AHNAK2: variants seen among roughly 807,000 people sequenced by gnomAD.
AHNAK2 encodes the protein AHNAK nucleoprotein 2.
AHNAK2 carries 18 observed loss-of-function variants against 30.7 expected under a neutral mutation model. That is an observed-to-expected ratio of 0.59 (90% confidence interval 0.41 to 0.87). The LOEUF is 0.87. AHNAK2 is among the 40% of genes least tolerant of loss of function. The pLI is 0.00. For synonymous variants in AHNAK2, 3,590 were observed against 3,073.8 expected (o/e 1.17, Z -5.56); for missense variants, 8,604 against 7,373.0 (o/e 1.17, Z -6.11).
At chr14:104,964,941 C>T (rs377535842) in intron 1 of AHNAK2, among the ~76,000 whole-genome samples, 5 of 152,204 alleles carry the variant, frequency 3.3e-5, no homozygotes, top group African/African-American at 9.7e-5. Context: ...TCCTAGAAAA[C>T]CCACAAGAAG....
intron 1 of AHNAK2, among the ~76,000 whole-genome samples, chr14:104,959,160 T>G (rs534497416): frequency 6.6e-6 from 1 of 152,136 alleles, no homozygotes; most frequent in African/African-American, 2.4e-5. Flanking sequence ...TATAGTAAGA[T>G]CTCATCTCTA....
rs937270094 is a variant in AHNAK2 at position 104,953,652 on chromosome 14, G to C, written c.1799C>G (p.Thr600Arg). The change falls in exon 7 of 7, where the codon ACA becomes AGA. Residue 600 changes from threonine to arginine, a missense_variant. Transcript: ENST00000333244. ...LGWSPSKHTK[T>R]GREKATEDTE... Reference sequence around the variant, plus strand: ...GTCTTCTGTGGCTTTTTCTCTGCCTGTCTTTGTGTGCTTGCTTGGCGACCA... The same window carrying C: ...GTCTTCTGTGGCTTTTTCTCTGCCTCTCTTTGTGTGCTTGCTTGGCGACCA... 1.9e-6 allele frequency: 3 copies of C among 1,613,666 alleles called. No homozygotes were observed. Among genetic ancestry groups the C allele is most frequent in the African/African-American group, 1.3e-5 (1 of 74,852 alleles).
chr14:104,938,672 A>C lies in AHNAK2; in HGVS notation c.16779T>G (p.Val5593=). The C allele has an allele frequency of 6.2e-7, 1 of 1,612,630 alleles. No homozygotes were observed. The highest frequency in any genetic ancestry group is 8.5e-7 in the Non-Finnish European group (1 of 1,179,316). Residue 5593 remains valine (V), a synonymous_variant, in exon 7 of 7, where the codon GTT becomes GTG. Coordinates refer to ENST00000333244, the MANE Select transcript of AHNAK2 (RefSeq NM_138420.4). ...VLGQQTLTFE[V]PSGHQLADSC... ...TGTCTGCAAGCTGGTGGCCAGAAGG[A>C]ACTTCAAATGTGAGTGTTTGCTGTC...
Position 104,938,780 on chromosome 14 carries a change from TG to T in AHNAK2, c.16670del (p.Pro5557GlnfsTer3). On this transcript the variant is annotated frameshift_variant, in exon 7 of 7. Coordinates refer to ENST00000333244, the MANE Select transcript of AHNAK2 (RefSeq NM_138420.4). LOFTEE classifies it low-confidence loss of function (END_TRUNC). ...GATCTCCAGAAATGGAGTCTACTCCTGGGGTGGCTTGTATGGGAGCCTCTTC... is the reference window on the plus strand; with the variant it reads ...GATCTCCAGAAATGGAGTCTACTCCTGGGTGGCTTGTATGGGAGCCTCTTC... ...GTEEAPIQAT[P>X]GVDSISGDLQ... 1 of 1,613,956 alleles carries T rather than the reference TG, an allele frequency of 6.2e-7. No homozygotes were observed. Among genetic ancestry groups the T allele is most frequent in the Non-Finnish European group, 8.5e-7 (1 of 1,179,886 alleles).
At chr14:104,971,068 C>T (rs1323038079) in intron 1 of AHNAK2, among the ~76,000 whole-genome samples, 1 of 152,156 alleles carries the variant, frequency 6.6e-6, no homozygotes, top group East Asian at 1.9e-4. Context: ...ACAGCGGCCA[C>T]CACACCTCGA....
In AHNAK2 at chr14:104,949,056, C is replaced by G. The variant is rs1898492010; in HGVS notation, c.6395G>C (p.Ser2132Thr). ...GGTCAGGTCCCCCTGCAGATGCGCA[C>G]TATCCAGCTTGGCTCTTGGGGCCTG... ...DVQAPRAKLD[S>T]AHLQGDLTLA... The change falls in exon 7 of 7, where the codon AGT becomes ACT. Residue 2132 changes from serine (S) to threonine (T), a missense_variant. By Grantham distance (58) the Ser-to-Thr change is moderately conservative (BLOSUM62 1). Transcript: ENST00000333244. 9.4e-7 allele frequency: 1 copy of G among 1,068,144 alleles called. No homozygotes were observed. Among genetic ancestry groups the G allele is most frequent in the African/African-American group, 1.4e-5 (1 of 70,504 alleles). The allele number at this position is 1,068,144 out of a possible 1,614,324, so 66.2% of individuals were successfully genotyped here.
chr14:104,972,409 C>T (rs890218728), intron 1 of AHNAK2, among the ~76,000 whole-genome samples: 3 of 152,124 alleles, frequency 2.0e-5, no homozygotes, highest in Admixed American at 6.5e-5. Flanking sequence ...GCTGAGTCAG[C>T]GCCGTACCCA....
At chr14:104,964,451 T>C (rs1263919625) in intron 1 of AHNAK2, among the ~76,000 whole-genome samples, 1 of 151,952 alleles carries the variant, frequency 6.6e-6, no homozygotes, top group Non-Finnish European at 1.5e-5. Flanking sequence ...GCCCAGCAAC[T>C]CATAGCCAGG....
chr14:104,948,182 G>T lies in AHNAK2; in HGVS notation c.7269C>A (p.Val2423=), dbSNP rs747283453. The part of the protein sequence containing the change: ...KVDLKGPQID[V]KGPKLDLKGP... ...CTTTCAGGTCCAGCTTGGGGCCCTT[G>T]ACATCTATCTGGGGGCCCTTGAGAT... Residue 2423 remains valine, a synonymous_variant, in exon 7 of 7, where the codon GTC becomes GTA. Coordinates refer to ENST00000333244, the MANE Select transcript of AHNAK2 (RefSeq NM_138420.4). 2.1e-5 allele frequency: 34 copies of T among 1,612,358 alleles called. No homozygotes were observed. Among genetic ancestry groups the T allele is most frequent in the Non-Finnish European group, 8.5e-7 (1 of 1,179,528 alleles).
chr14:104,946,767 T>C lies in AHNAK2; in HGVS notation c.8684A>G (p.His2895Arg), dbSNP rs779961366. 1 of 1,612,764 alleles carries C rather than the reference T, an allele frequency of 6.2e-7. No individual in the cohort carries two copies. Among genetic ancestry groups the C allele is most frequent in the Admixed American group, 1.7e-5 (1 of 59,932 alleles). Residue 2895 changes from histidine (H) to arginine (R), a missense_variant, in exon 7 of 7, where the codon CAC (histidine) becomes CGC (arginine). His to Arg is a conservative substitution (Grantham distance 29). Transcript: ENST00000333244. ...ACTGGGCATCTGCACCTTGGGCAGGTGCCCTTTGAGGCCGGCTCCCTCGGG... is the reference window on the plus strand; with the variant it reads ...ACTGGGCATCTGCACCTTGGGCAGGCGCCCTTTGAGGCCGGCTCCCTCGGG... ...HVPEGAGLKG[H>R]LPKVQMPSFK...
rs1410528874 is a variant in AHNAK2 at position 104,944,286 on chromosome 14, G to T, written c.11165C>A (p.Pro3722His). The T allele has an allele frequency of 3.1e-6, 5 of 1,612,792 alleles. No homozygotes were observed. The highest frequency in any genetic ancestry group is 2.7e-5 in the African/African-American group (2 of 74,696). The change falls in exon 7 of 7, where the codon CCC becomes CAC. Residue 3722 changes from proline (P) to histidine (H), a missense_variant. By Grantham distance (77) the Pro-to-His change is moderately conservative. Coordinates refer to ENST00000333244, the MANE Select transcript of AHNAK2 (RefSeq NM_138420.4). ...PEGAGLKEHL[P>H]KVEMPSLKMP... ...CTTCAAACTGGGCATCTCCACCTTG[G>T]GCAGGTGCTCTTTGAGGCCGGCTCC...
chr14:104,951,427 CAGA>C lies in AHNAK2; in HGVS notation c.4021_4023del (p.Ser1341del). 8.1e-7 allele frequency: 1 copy of C among 1,233,880 alleles called. No homozygotes were observed. The highest frequency in any genetic ancestry group is 1.4e-5 in the South Asian group (1 of 69,660). 76.4% of individuals were successfully genotyped at this position (1,233,880 alleles called of 1,614,324 possible). On this transcript the variant is annotated inframe_deletion, in exon 7 of 7. Coordinates refer to ENST00000333244, the MANE Select transcript of AHNAK2 (RefSeq NM_138420.4). The stretch of plus-strand genomic sequence containing the variant: ...GAGGCCTCAATGGACTTGCCTGGGG[CAGA>C]CACCCCGAACGACGGCATCTTGAAC...
Position 104,939,036 on chromosome 14 carries a change from A to T in AHNAK2, c.16415T>A (p.Val5472Asp). 1 of 1,608,402 alleles carries T rather than the reference A, an allele frequency of 6.2e-7. No homozygotes were observed. ...GTGTATAGTGACCTCTTGACTTTCA[A>T]CCTGAGCACCCTGAATATGCACTCT... is the stretch of plus-strand genomic sequence containing the variant. ...KVRVHIQGAQVESQEVTIHSI... is the reference protein window; with the variant it reads ...KVRVHIQGAQDESQEVTIHSI... Residue 5472 changes from valine to aspartate, a missense_variant, in exon 7 of 7, where the codon GTT becomes GAT. By Grantham distance (152) the Val-to-Asp change is radical (BLOSUM62 -3). Coordinates refer to ENST00000333244, the MANE Select transcript of AHNAK2 (RefSeq NM_138420.4).
chr14:104,941,391 C>G lies in AHNAK2; in HGVS notation c.14060G>C (p.Gly4687Ala). Residue 4687 changes from glycine to alanine, a missense_variant, in exon 7 of 7, where the codon GGG (glycine) becomes GCG (alanine). By Grantham distance (60) the Gly-to-Ala change is moderately conservative. Coordinates refer to ENST00000333244, the MANE Select transcript of AHNAK2 (RefSeq NM_138420.4). ...LHDPSRDGNL[G>A]LAVGEVGMDS... ...CATTCCAACTTCTCCAACAGCAAGC[C>G]CCAAGTTACCATCGCGAGATGGATC... is the stretch of plus-strand genomic sequence containing the variant. 1 of 1,613,306 alleles carries G rather than the reference C, an allele frequency of 6.2e-7. No homozygotes were observed. Among genetic ancestry groups the G allele is most frequent in the East Asian group, 2.2e-5 (1 of 44,876 alleles).
chr14:104,969,109 G>C (rs552091479), intron 1 of AHNAK2, among the ~76,000 whole-genome samples: 25 of 152,274 alleles, frequency 1.6e-4, no homozygotes, highest in African/African-American at 5.5e-4. Context: ...TAACTCTCTC[G>C]GGATGAGCTC....
rs1308152199 is a variant in AHNAK2, at chr14:104,940,340, C to T, written c.15111G>A (p.Gly5037=). 2.5e-6 allele frequency: 4 copies of T among 1,613,666 alleles called. No individual in the cohort carries two copies. Among genetic ancestry groups the T allele is most frequent in the African/African-American group, 1.3e-5 (1 of 74,906 alleles). ...CCACGTCTCTCTGTGGCAGGCTGACCCCACTCTTAGAAGCCTTCATTTTGG... is the reference window on the plus strand; with the variant it reads ...CCACGTCTCTCTGTGGCAGGCTGACTCCACTCTTAGAAGCCTTCATTTTGG... ...ALPKMKASKS[G]VSLPQRDVDP... Residue 5037 remains glycine (G), a synonymous_variant, in exon 7 of 7, where the codon GGG becomes GGA. Coordinates refer to ENST00000333244, the MANE Select transcript of AHNAK2 (RefSeq NM_138420.4). This position sits in a 1 kb window ranked among gnomAD's most constrained non-coding sequence, Gnocchi z 4.4.
In AHNAK2 at chr14:104,951,965, C is replaced by A. The variant is rs558248129; in HGVS notation, c.3486G>T (p.Arg1162Ser). ...GCATCTTGAACTTGGGCATTTTGAA[C>A]CTGCTGTCTTTGGCAGTCACATCCT... Reference protein sequence around the residue: ...ADKDVTAKDSRFKMPKFKMPS... With the variant: ...ADKDVTAKDSSFKMPKFKMPS... Residue 1162 changes from arginine to serine, a missense_variant, in exon 7 of 7, where the codon AGG becomes AGT. Transcript: ENST00000333244. 2 of 1,612,068 alleles carry A rather than the reference C, an allele frequency of 1.2e-6. No individual in the cohort carries two copies. The highest frequency in any genetic ancestry group is 1.3e-5 in the African/African-American group (1 of 74,198).
rs1188706873 is a variant in AHNAK2, at chr14:104,943,443, C to G, written c.12008G>C (p.Ser4003Thr). Residue 4003 changes from serine (S) to threonine (T), a missense_variant, in exon 7 of 7, where the codon AGC (serine) becomes ACC (threonine). By Grantham distance (58) the Ser-to-Thr change is moderately conservative (BLOSUM62 1). Coordinates refer to ENST00000333244, the MANE Select transcript of AHNAK2 (RefSeq NM_138420.4). ...GAGGTCCCCCTGCATGGAAGGGAGG[C>G]TCACGTCGGCCTCCACCTTTGGCGC... is the stretch of plus-strand genomic sequence containing the variant. ...VTAPKVEADV[S>T]LPSMQGDLKA... The G allele has an allele frequency of 1.2e-6, 2 of 1,613,312 alleles. No homozygotes were observed. Among genetic ancestry groups the G allele is most frequent in the African/African-American group, 2.7e-5 (2 of 74,824 alleles).
chr14:104,954,356 G>T lies in AHNAK2; in HGVS notation c.1095C>A (p.Ser365Arg), dbSNP rs752939277. The change falls in exon 7 of 7, where the codon AGC becomes AGA. Residue 365 changes from serine (S) to arginine (R), a missense_variant. Transcript: ENST00000333244. The surrounding 1 kb of genome is among the most constrained non-coding windows in gnomAD (Gnocchi z 4.3). ...CTGTGGCAGCCCCAGTCTCCTCGAG[G>T]CTATCACCCCAGGGCCCCAACTCTT... ...VLEELGPWGDSLEETGAATGS... is the reference protein window; with the variant it reads ...VLEELGPWGDRLEETGAATGS... 105 of 1,613,204 alleles carry T rather than the reference G, an allele frequency of 6.5e-5. No homozygotes were observed. Among genetic ancestry groups the T allele is most frequent in the Non-Finnish European group, 8.6e-5 (102 of 1,179,880 alleles).
Sources: gnomAD v4.1 joint callset for allele counts (sites outside exome capture counted in the v4.1 genomes callset) on GRCh38, gnomAD v4.1.1 for gene constraint, Gnocchi (gnomAD v3.1) non-coding constraint, MANE v1.5 for transcripts, NCBI Gene and HGNC (gene_info 2026-07-23, HGNC 2026-07-21) for gene names.